Variants in SDK1 observed in about 807,000 individuals in gnomAD.
The protein encoded by SDK1 is protein sidekick-1.
A neutral mutation model predicts 245.5 loss-of-function variants in SDK1; 157 were observed. The ratio of observed to expected loss-of-function variants is 0.64; its 90% CI spans 0.56 to 0.73. SDK1 has a LOEUF of 0.73. SDK1 is among the 30% of genes least tolerant of loss of function. The probability of loss-of-function intolerance (pLI) is 0.00; values close to 1 mark genes in which losing one functional copy is unlikely to be tolerated. For missense variants in SDK1, 3,583 were observed against 3,002.3 expected, an observed-to-expected ratio of 1.19 and a Z score of -4.52; for synonymous variants, 1,647 against 1,278.5, an observed-to-expected ratio of 1.29 and a Z score of -6.15.
At chr7:3,669,917 A>G (rs1452716574) in intron 4 of SDK1, among the ~76,000 whole-genome samples, 1 of 152,188 alleles carries the variant, frequency 6.6e-6, no homozygotes, top group Non-Finnish European at 1.5e-5. Flanking sequence ...CTTTCTTAAC[A>G]TAAATGACAC....
chr7:3,890,926 C>T (rs1781443116), intron 5 of SDK1, among the ~76,000 whole-genome samples: 1 of 152,140 alleles, frequency 6.6e-6, no homozygotes, highest in African/African-American at 2.4e-5. Context: ...AGCTAGAATC[C>T]ATCTCAAAAC....
chr7:3,794,124 A>G (rs911280097), intron 4 of SDK1, among the ~76,000 whole-genome samples: 1 of 152,094 alleles, frequency 6.6e-6, no homozygotes, highest in East Asian at 1.9e-4. Context: ...TACCTTTTTT[A>G]AAAAAAGTAT....
At chr7:3,555,642 A>G (rs1779565011) in intron 1 of SDK1, among the ~76,000 whole-genome samples, 1 of 152,200 alleles carries the variant, frequency 6.6e-6, no homozygotes, top group Non-Finnish European at 1.5e-5. Flanking sequence ...GAGACAATTC[A>G]GTGGGAGAAA....
At chr7:3,777,027 A>G (rs1780587165) in intron 4 of SDK1, among the ~76,000 whole-genome samples, 1 of 152,168 alleles carries the variant, frequency 6.6e-6, no homozygotes, top group Non-Finnish European at 1.5e-5. Context: ...AGCGCCTCAG[A>G]TACCTGCTTC....
chr7:4,137,179 C>G (rs879532464), intron 28 of SDK1, among the ~76,000 whole-genome samples: 1 of 152,224 alleles, frequency 6.6e-6, no homozygotes, highest in Non-Finnish European at 1.5e-5. Context: ...CCTGTAATCC[C>G]AGCTACTCAG....
chr7:3,506,142 G>T (rs991407186), intron 1 of SDK1, among the ~76,000 whole-genome samples: 17 of 151,940 alleles, frequency 1.1e-4, no homozygotes, highest in African/African-American at 4.1e-4. Flanking sequence ...AGAACTTCTT[G>T]TAGCTTTTCT....
chr7:4,233,031 G>C, intron 40 of SDK1: 1 of 500,240 alleles, frequency 2.0e-6, no homozygotes, highest in Admixed American at 3.2e-5. Context: ...CAGTTCAGTA[G>C]CATTGAGCAC....
chr7:4,060,913 G>T (rs1779497969), intron 19 of SDK1, among the ~76,000 whole-genome samples: 1 of 151,686 alleles, frequency 6.6e-6, no homozygotes, highest in Non-Finnish European at 1.5e-5. Flanking sequence ...TTTACCCATT[G>T]CTTGTTTTTC....
intron 1 of SDK1, chr7:3,476,001 G>T (rs368097807): frequency 1.0e-3 from 153 of 152,346 alleles, no homozygotes; most frequent in African/African-American, 3.5e-3. Flanking sequence ...ATTATCTTTT[G>T]GTAATTAAAA....
chr7:3,824,293 T>C (rs1422540884), intron 5 of SDK1, among the ~76,000 whole-genome samples: 1 of 152,224 alleles, frequency 6.6e-6, no homozygotes, highest in Non-Finnish European at 1.5e-5. Context: ...CACACAAGAT[T>C]GAGGAAAATT....
Position 3,974,411 on chromosome 7 carries a change from C to A in SDK1, c.1860C>A (p.Ser620Arg). 1 of 1,614,004 alleles carries A rather than the reference C, an allele frequency of 6.2e-7. No homozygotes were observed. The highest frequency in any genetic ancestry group is 8.5e-7 in the Non-Finnish European group (1 of 1,179,958). ...ACAACGTGGCCCTGACTCCATCGAG[C>A]ACGTCTAGGATCGTGGTGGAGAAGG... Reference protein sequence around the residue: ...KKDNVALTPSSTSRIVVEKDG... With the variant: ...KKDNVALTPSRTSRIVVEKDG... Residue 620 changes from serine (S) to arginine (R), a missense_variant, in exon 13 of 45, where the codon AGC becomes AGA. Physicochemically the swap from Ser to Arg is moderately radical, Grantham distance 110. Coordinates refer to ENST00000404826, the MANE Select transcript of SDK1 (RefSeq NM_152744.4).
chr7:3,756,739 A>T (rs1386159850), intron 4 of SDK1, among the ~76,000 whole-genome samples: 1 of 152,072 alleles, frequency 6.6e-6, no homozygotes, highest in Non-Finnish European at 1.5e-5. Flanking sequence ...CCTTTTGAAG[A>T]GTCCTCGTCA....
At chr7:3,615,670 C>G (rs1211921105) in intron 1 of SDK1, among the ~76,000 whole-genome samples, 1 of 151,600 alleles carries the variant, frequency 6.6e-6, no homozygotes, top group African/African-American at 2.4e-5. Flanking sequence ...AAGAATCCTT[C>G]TTGACATCTC....
rs552988553 is a variant in SDK1, at chr7:3,305,625, A to G, written c.298+3741A>G. On this transcript the variant is annotated intron_variant, in intron 1 of 44. Transcript: ENST00000404826. ...CTTTGTAATTTGAGTTTCAACTGGAACTTGAGTTCTAGACTCCCTTACTTG... is the reference window on the plus strand; with the variant it reads ...CTTTGTAATTTGAGTTTCAACTGGAGCTTGAGTTCTAGACTCCCTTACTTG... Among the ~76,000 whole-genome samples, 42 of 152,300 alleles carry G rather than the reference A, an allele frequency of 2.8e-4. No homozygotes were observed. In the South Asian group the frequency reaches 8.3e-3, roughly 30 times the overall value.
At chr7:3,580,872 G>A (rs1780457178) in intron 1 of SDK1, among the ~76,000 whole-genome samples, 1 of 149,892 alleles carries the variant, frequency 6.7e-6, no homozygotes, top group Non-Finnish European at 1.5e-5. Context: ...GGAGGCTGAG[G>A]CAGGAGAATC....
intron 6 of SDK1, among the ~76,000 whole-genome samples, chr7:3,951,415 C>T (rs1780815058): frequency 6.6e-6 from 1 of 152,178 alleles, no homozygotes; most frequent in African/African-American, 2.4e-5. Flanking sequence ...ATCCCGCCTT[C>T]CATGTCGTTG....
At chr7:3,321,611 T>G (rs1779803998) in intron 1 of SDK1, among the ~76,000 whole-genome samples, 1 of 152,158 alleles carries the variant, frequency 6.6e-6, no homozygotes, top group Non-Finnish European at 1.5e-5. Context: ...AAAGAAACAT[T>G]CTTCATGTTT....
rs1169712944 is a variant in SDK1, at chr7:3,942,362, G to A, written c.848-8561G>A. 2.0e-5 allele frequency among the ~76,000 whole-genome samples: 3 copies of A among 152,354 alleles called. No individual in the cohort carries two copies. The East Asian group carries it at 5.8e-4, about 29-fold the overall frequency. On this transcript the variant is annotated intron_variant, in intron 5 of 44. Coordinates refer to ENST00000404826, the MANE Select transcript of SDK1 (RefSeq NM_152744.4). ...ACTCTGCAGAGACGGGGCAGTGTCA[G>A]AGGAGCAGGGGTCCCCAAGGCAGCA...
chr7:3,930,703 G>A (rs763750112), intron 5 of SDK1, among the ~76,000 whole-genome samples: 1 of 152,172 alleles, frequency 6.6e-6, no homozygotes. Context: ...TGAGGCAAGA[G>A]AATCACTTAA....
Sources: gnomAD v4.1 joint callset for allele counts (sites outside exome capture counted in the v4.1 genomes callset) on GRCh38, gnomAD v4.1.1 for gene constraint, MANE v1.5 for transcripts, NCBI Gene and HGNC (gene_info 2026-07-23, HGNC 2026-07-21) for gene names.